The following NUBP1 variants were observed in gnomAD, a reference collection of about 807,000 sequenced individuals.
NUBP1 encodes NUBP iron-sulfur cluster assembly factor 1, cytosolic, also known as cytosolic Fe-S cluster assembly factor NUBP1.
NUBP1 carries 46 observed loss-of-function variants against 41.8 expected under a neutral mutation model. The ratio of observed to expected loss-of-function variants is 1.10; its 90% CI spans 0.87 to 1.41. NUBP1 has a LOEUF of 1.41. Among genes scored for constraint, NUBP1 ranks in the 40% most tolerant of loss-of-function variants. The pLI is 0.00. For synonymous variants in NUBP1, 189 were observed against 154.6 expected (o/e 1.22, Z -1.65); for missense variants, 494 against 414.0 (o/e 1.19, Z -1.68).
chr16:10,745,385 G>A (rs1045670901), intron 2 of NUBP1, among the ~76,000 whole-genome samples: 8 of 152,116 alleles, frequency 5.3e-5, no homozygotes, highest in Admixed American at 4.6e-4. Flanking sequence ...AACCCGGGAG[G>A]TGGAGGTTGC....
chr16:10,750,040 TAAAA>T (rs61490971), intron 3 of NUBP1, among the ~76,000 whole-genome samples: 4 of 151,712 alleles, frequency 2.6e-5, no homozygotes, highest in Non-Finnish European at 4.4e-5. Flanking sequence ...ACATAAAACA[TAAAA>T]AAAGTTAGCC....
intron 6 of NUBP1, 147 bp downstream of exon 6, chr16:10,756,927 G>C: frequency 1.7e-6 from 1 of 588,424 alleles, no homozygotes; most frequent in Non-Finnish European, 2.9e-6. Context: ...TTCTTCACTG[G>C]TTGAAAAGAG....
chr16:10,752,672 A>T lies in NUBP1; in HGVS notation c.321A>T (p.Gly107=). The change falls in exon 4 of 11, where the codon GGA becomes GGT. Residue 107 remains glycine (G), a synonymous_variant. Transcript: ENST00000283027. ...PSIPKIMGLE[G]EQVHQSGSGW... ...TTCCCAAGATAATGGGATTGGAAGG[A>T]GAGCAGGTAATAGCCGGTTACAGAA... 6.2e-7 allele frequency: 1 copy of T among 1,613,636 alleles called. No individual in the cohort carries two copies. Among genetic ancestry groups the T allele is most frequent in the Non-Finnish European group, 8.5e-7 (1 of 1,179,576 alleles).
chr16:10,756,235 C>T (rs1222282833), intron 5 of NUBP1, among the ~76,000 whole-genome samples: 63 of 151,996 alleles, frequency 4.1e-4, no homozygotes, highest in Non-Finnish European at 2.9e-5. Flanking sequence ...AAAAATTAGC[C>T]GAGCATGGTG....
At chr16:10,746,383 G>C (rs1307777990) in intron 2 of NUBP1, among the ~76,000 whole-genome samples, 1 of 152,118 alleles carries the variant, frequency 6.6e-6, no homozygotes, top group African/African-American at 2.4e-5. Flanking sequence ...GTGCATTGTA[G>C]GACATTTAGC....
chr16:10,764,052 A>G (rs1200966660), intron 9 of NUBP1, among the ~76,000 whole-genome samples: 1 of 151,698 alleles, frequency 6.6e-6, no homozygotes, highest in Non-Finnish European at 1.5e-5. Flanking sequence ...CCCAGCCCAA[A>G]GGAGCATCTC....
At position 10,749,573 on chromosome 16, in the gene NUBP1, C is replaced by T. The variant is rs1020041187; in HGVS notation, c.258+2297C>T. 6.6e-6 allele frequency among the ~76,000 whole-genome samples: 1 copy of T among 152,086 alleles called. No individual in the cohort carries two copies. The highest frequency in any genetic ancestry group is 2.4e-5 in the African/African-American group (1 of 41,422). ...CAGCATTTAGGAAAGTGTGTTTTCC[C>T]CAGGCAGACCTACTCATGACAGTGA... On this transcript the variant is annotated intron_variant, in intron 3 of 10. Transcript: ENST00000283027. The surrounding 1 kb of genome is among the most constrained non-coding windows in gnomAD (Gnocchi z 4.1).
At chr16:10,746,368 G>A (rs1245242894) in intron 2 of NUBP1, among the ~76,000 whole-genome samples, 3 of 152,172 alleles carry the variant, frequency 2.0e-5, no homozygotes, top group Non-Finnish European at 4.4e-5. Context: ...GTGGGGGGCT[G>A]TCCTGTGCAT....
At chr16:10,760,439 G>A (rs757279623) in intron 7 of NUBP1, among the ~76,000 whole-genome samples, 2 of 152,230 alleles carry the variant, frequency 1.3e-5, no homozygotes, top group African/African-American at 2.4e-5. Context: ...CATGGAGCAT[G>A]TAGATGCGTT....
chr16:10,767,489 C>T lies in NUBP1; in HGVS notation c.821-460C>T. ...GAGAGTGTGTGTATGTGTGTGCGCA[C>T]ACATGCAAGTGTGCACATTTATATG... On this transcript the variant is annotated intron_variant, in intron 9 of 10. Coordinates refer to ENST00000283027, the MANE Select transcript of NUBP1 (RefSeq NM_002484.4). This position sits in a 1 kb window ranked among gnomAD's most constrained non-coding sequence, Gnocchi z 4.6. The T allele has an allele frequency of 2.4e-6, 1 of 425,268 alleles. No individual in the cohort carries two copies. Among genetic ancestry groups the T allele is most frequent in the East Asian group, 3.4e-5 (1 of 29,274 alleles). The allele number at this position is 425,268 out of a possible 1,614,324, so 26.3% of individuals were successfully genotyped here.
chr16:10,767,659 C>G lies in NUBP1; in HGVS notation c.821-290C>G. The G allele has an allele frequency of 2.3e-6, 1 of 432,738 alleles. No homozygotes were observed. Among genetic ancestry groups the G allele is most frequent in the East Asian group, 3.6e-5 (1 of 27,420 alleles). 26.8% of individuals were successfully genotyped at this position (432,738 alleles called of 1,614,324 possible). On this transcript the variant is annotated intron_variant, in intron 9 of 10. Coordinates refer to ENST00000283027, the MANE Select transcript of NUBP1 (RefSeq NM_002484.4). This position sits in a 1 kb window ranked among gnomAD's most constrained non-coding sequence, Gnocchi z 4.6. The stretch of plus-strand genomic sequence containing the variant: ...ACTCAAAAGCTAATCTCTTAAAATG[C>G]AGACTCCTGGGCCCATGTGGAAGCT...
At position 10,767,004 on chromosome 16, in the gene NUBP1, C is replaced by T. The variant is rs377373902; in HGVS notation, c.821-945C>T. 6 of 398,648 alleles carry T rather than the reference C, an allele frequency of 1.5e-5. No individual in the cohort carries two copies. The highest frequency in any genetic ancestry group is 4.4e-5 in the Admixed American group (1 of 22,722). The allele number at this position is 398,648 out of a possible 1,614,324, so 24.7% of individuals were successfully genotyped here. A position where few individuals can be genotyped will look rare whatever the true frequency, so the allele number is the denominator to read the frequency against. ...AACCCCTCCCCACAGGCTTCTTCCCCGACTTGGACTTCCCTGTCCCACAGG... is the reference window on the plus strand; with the variant it reads ...AACCCCTCCCCACAGGCTTCTTCCCTGACTTGGACTTCCCTGTCCCACAGG... On this transcript the variant is annotated intron_variant, in intron 9 of 10. Transcript: ENST00000283027. This position sits in a 1 kb window ranked among gnomAD's most constrained non-coding sequence, Gnocchi z 4.6.
Position 10,768,327 on chromosome 16 carries a change from G to C in NUBP1, c.904+295G>C, listed in dbSNP as rs547857922. On this transcript the variant is annotated intron_variant, in intron 10 of 10. Coordinates refer to ENST00000283027, the MANE Select transcript of NUBP1 (RefSeq NM_002484.4). The surrounding 1 kb of genome is among the most constrained non-coding windows in gnomAD (Gnocchi z 4.3). ...AACTGATAAAAAAAAAAAAGGCCAG[G>C]TGCAGTGGCTCACACCTGGAATCCC... The C allele has an allele frequency of 4.9e-6, 1 of 203,040 alleles. No homozygotes were observed. Among genetic ancestry groups the C allele is most frequent in the East Asian group, 1.3e-4 (1 of 7,788 alleles). The allele number at this position is 203,040 out of a possible 1,614,324, so 12.6% of individuals were successfully genotyped here. A position where few individuals can be genotyped will look rare whatever the true frequency, so the allele number is the denominator to read the frequency against.
In NUBP1 at chr16:10,760,636, C is replaced by T. The variant is rs141037948; in HGVS notation, c.607-728C>T. Among the ~76,000 whole-genome samples the T allele has an allele frequency of 4.1e-3, 628 of 152,254 alleles. 2 individuals are homozygous for T. The highest frequency in any genetic ancestry group is 4.4e-3 in the Non-Finnish European group (296 of 68,016). On this transcript the variant is annotated intron_variant, in intron 7 of 10. Coordinates refer to ENST00000283027, the MANE Select transcript of NUBP1 (RefSeq NM_002484.4). ...CCTGTAGTCCCAGCTACTCTGGAGG[C>T]TGAGGCAGGAGGATTGCCTGAGCCC... is the stretch of plus-strand genomic sequence containing the variant.
Position 10,752,661 on chromosome 16 carries a change from G to T in NUBP1, c.310G>T (p.Gly104Ter). The change falls in exon 4 of 11, where the codon GGA (glycine) becomes TGA (stop). Residue 104 changes from glycine to a stop codon, truncating the protein, a stop_gained. Coordinates refer to ENST00000283027, the MANE Select transcript of NUBP1 (RefSeq NM_002484.4). LOFTEE classifies it high-confidence loss of function. ...ICGPSIPKIM[G>*]LEGEQVHQSG... ...TGGGCCATCGATTCCCAAGATAATG[G>T]GATTGGAAGGAGAGCAGGTAATAGC... 6.2e-7 allele frequency: 1 copy of T among 1,613,792 alleles called. No individual in the cohort carries two copies. Among genetic ancestry groups the T allele is most frequent in the Admixed American group, 1.7e-5 (1 of 60,002 alleles).
intron 3 of NUBP1, among the ~76,000 whole-genome samples, chr16:10,751,424 T>C (rs79667438): frequency 0.038 from 5,804 of 152,248 alleles, 149 homozygotes; most frequent in Non-Finnish European, 0.058. Context: ...CTGAGGCCAG[T>C]GCTGGTCTGT....
chr16:10,754,873 C>T (rs1327757636), intron 4 of NUBP1, among the ~76,000 whole-genome samples: 6 of 151,808 alleles, frequency 4.0e-5, no homozygotes, highest in African/African-American at 4.8e-5. Flanking sequence ...GGTGAAACCC[C>T]GTCTCTACAA....
chr16:10,744,029 C>T lies in NUBP1; in HGVS notation c.88C>T (p.Leu30=), dbSNP rs1441618838. 1.9e-6 allele frequency: 3 copies of T among 1,579,840 alleles called. No individual in the cohort carries two copies. Among genetic ancestry groups the T allele is most frequent in the Non-Finnish European group, 8.6e-7 (1 of 1,168,756 alleles). The part of the protein sequence containing the change: ...ASCQGCPNQR[L]CASGAGATPD... Reference sequence around the variant, plus strand: ...ATGTCAGGGATGCCCCAACCAGCGGCTGTGCGCTTCTGGAGCGGGGGCCAC... The same window carrying T: ...ATGTCAGGGATGCCCCAACCAGCGGTTGTGCGCTTCTGGAGCGGGGGCCAC... Residue 30 remains leucine, a synonymous_variant, in exon 2 of 11, where the codon CTG becomes TTG. Transcript: ENST00000283027.
At position 10,757,858 on chromosome 16, in the gene NUBP1, G is replaced by C. The variant is rs763063179; in HGVS notation, c.452-15G>C. The C allele has an allele frequency of 4.4e-6, 7 of 1,608,566 alleles. No homozygotes were observed. In the South Asian group the frequency reaches 6.6e-5, roughly 15 times the overall value. Reference sequence around the variant, plus strand: ...AAAGGAAAAGTAAGCATCCCCTGTGGATTCCTCTTTCTAGGCATGATCAAG... The same window carrying C: ...AAAGGAAAAGTAAGCATCCCCTGTGCATTCCTCTTTCTAGGCATGATCAAG... On this transcript the variant is annotated splice_polypyrimidine_tract_variant and intron_variant, in intron 6 of 10. Transcript: ENST00000283027. The surrounding 1 kb of genome is among the most constrained non-coding windows in gnomAD (Gnocchi z 4.1).
Sources: allele counts gnomAD v4.1 joint callset (sites outside exome capture counted in the v4.1 genomes callset), GRCh38; gene constraint gnomAD v4.1.1; non-coding constraint Gnocchi (gnomAD v3.1); transcripts MANE v1.5; gene names NCBI Gene and HGNC (gene_info 2026-07-23, HGNC 2026-07-21).